The following CALN1 variants were observed in gnomAD, a reference collection of about 807,000 sequenced individuals.
CALN1 encodes the protein calcium-binding protein 8.
CALN1 carries 17 observed loss-of-function variants against 30.6 expected under a neutral mutation model. The ratio of observed to expected loss-of-function variants is 0.56; its 90% CI spans 0.38 to 0.83. The LOEUF is 0.83. Among genes scored for constraint, CALN1 ranks in the 40% least tolerant of loss-of-function variants. CALN1 has a pLI of 0.00. For missense variants in CALN1, 291 were observed against 354.9 expected, an observed-to-expected ratio of 0.82 and a Z score of 1.45; for synonymous variants, 156 against 131.4, an observed-to-expected ratio of 1.19 and a Z score of -1.28.
intron 5 of CALN1, among the ~76,000 whole-genome samples, chr7:71,837,510 T>G (rs1321102165): frequency 6.6e-6 from 1 of 152,168 alleles, no homozygotes; most frequent in Non-Finnish European, 1.5e-5. Context: ...CACTGAGTTT[T>G]TAGGGCAAAG....
At chr7:72,416,447 G>A (rs1344656964), upstream of CALN1, among the ~76,000 whole-genome samples, 1 of 152,118 alleles carries the variant, frequency 6.6e-6, no homozygotes, top group Admixed American at 6.5e-5. Flanking sequence ...GTGAAGCCGG[G>A]AACCCGGCTG....
intron 5 of CALN1, among the ~76,000 whole-genome samples, chr7:72,017,170 T>TAAAAAAAA: frequency 1.1e-5 from 1 of 88,116 alleles, no homozygotes; most frequent in Non-Finnish European, 2.6e-5. Context: ...TCTCAAAAAT[T>TAAAAAAAA]AAAAAAAAAA....
intron 3 of CALN1, among the ~76,000 whole-genome samples, chr7:72,206,518 T>A (rs1274798668): frequency 6.6e-6 from 1 of 152,234 alleles, no homozygotes; most frequent in Non-Finnish European, 1.5e-5. Context: ...TTAATTTTCA[T>A]CTTAGTCAGT....
intron 3 of CALN1, among the ~76,000 whole-genome samples, chr7:72,196,263 G>A (rs759163431): frequency 6.6e-6 from 1 of 152,112 alleles, no homozygotes; most frequent in East Asian, 1.9e-4. Context: ...GGCTACAGGC[G>A]CATACCGCCA....
At chr7:71,928,448 CAA>C (rs60088732) in intron 5 of CALN1, among the ~76,000 whole-genome samples, 52 of 99,806 alleles carry the variant, frequency 5.2e-4, no homozygotes, top group African/African-American at 7.3e-4. Flanking sequence ...CTTTTAATGG[CAA>C]AAAAAAAAAA....
chr7:72,270,617 T>A (rs1421510314), intron 3 of CALN1, among the ~76,000 whole-genome samples: 1 of 151,624 alleles, frequency 6.6e-6, no homozygotes, highest in African/African-American at 2.4e-5. Context: ...AAAAAAAATT[T>A]TTTTTTAATT....
intron 2 of CALN1, among the ~76,000 whole-genome samples, chr7:72,314,430 GA>G (rs1370495336): frequency 8.1e-6 from 1 of 122,976 alleles, no homozygotes; most frequent in Non-Finnish European, 1.6e-5. Context: ...CACATACATA[GA>G]TTTTTTTTTT....
At chr7:72,212,743 G>C (rs1792505125) in intron 3 of CALN1, among the ~76,000 whole-genome samples, 1 of 152,110 alleles carries the variant, frequency 6.6e-6, no homozygotes, top group South Asian at 2.1e-4. Flanking sequence ...GAACCCAAGA[G>C]TTGGAGGCCT....
At chr7:72,008,413 T>C (rs1799891091) in intron 5 of CALN1, among the ~76,000 whole-genome samples, 1 of 151,476 alleles carries the variant, frequency 6.6e-6, no homozygotes, top group Non-Finnish European at 1.5e-5. Flanking sequence ...TCTAAATTAT[T>C]TCATTAATAA....
intron 2 of CALN1, among the ~76,000 whole-genome samples, chr7:72,297,514 A>G (rs769301756): frequency 2.0e-5 from 3 of 152,230 alleles, no homozygotes; most frequent in Non-Finnish European, 1.5e-5. Context: ...GGTTAAATGA[A>G]TAACTTTGCA....
At chr7:72,281,554 C>G (rs1427946790) in intron 2 of CALN1, among the ~76,000 whole-genome samples, 1 of 152,138 alleles carries the variant, frequency 6.6e-6, no homozygotes, top group Non-Finnish European at 1.5e-5. Flanking sequence ...TTAGCTAAGC[C>G]TCACTAGATG....
chr7:71,996,391 G>A (rs1178943626), intron 5 of CALN1, among the ~76,000 whole-genome samples: 1 of 152,174 alleles, frequency 6.6e-6, no homozygotes, highest in East Asian at 1.9e-4. Context: ...GGATTTTAAA[G>A]AAACCATCAT....
intron 1 of CALN1, among the ~76,000 whole-genome samples, chr7:72,407,635 T>C (rs1416034780): frequency 2.6e-5 from 4 of 152,172 alleles, no homozygotes; most frequent in African/African-American, 4.8e-5. Context: ...GCTTCCTGTA[T>C]AGCCTGCAGA....
At chr7:72,247,501 C>T (rs1256856397) in intron 3 of CALN1, among the ~76,000 whole-genome samples, 3 of 151,762 alleles carry the variant, frequency 2.0e-5, no homozygotes, top group Admixed American at 6.6e-5. Context: ...GTGATCTGCC[C>T]GCCTCAGCCT....
intron 3 of CALN1, among the ~76,000 whole-genome samples, chr7:72,197,200 T>TTTTC (rs1562721672): frequency 7.1e-6 from 1 of 141,256 alleles, no homozygotes; most frequent in Non-Finnish European, 1.5e-5. Context: ...TTTTTTTTTT[T>TTTTC]TTGAGACAGA....
intron 3 of CALN1, among the ~76,000 whole-genome samples, chr7:72,198,426 C>T (rs547130261): frequency 6.6e-6 from 1 of 152,176 alleles, no homozygotes; most frequent in Admixed American, 6.5e-5. Context: ...TCACTGTTAT[C>T]AAGCCATACC....
chr7:71,837,214 A>T (rs1341261463), intron 5 of CALN1, among the ~76,000 whole-genome samples: 1 of 121,302 alleles, frequency 8.2e-6, no homozygotes, highest in Non-Finnish European at 1.6e-5. Flanking sequence ...CCCGGGTGAC[A>T]GGGCGAAACT....
chr7:71,821,912 T>C (rs1488914154), intron 5 of CALN1, among the ~76,000 whole-genome samples: 1 of 151,268 alleles, frequency 6.6e-6, no homozygotes, highest in Non-Finnish European at 1.5e-5. Context: ...CTCAGCCTCC[T>C]GAGTAGCTGG....
chr7:72,390,100 G>A (rs1439284805), intron 2 of CALN1, among the ~76,000 whole-genome samples: 1 of 151,972 alleles, frequency 6.6e-6, no homozygotes, highest in Non-Finnish European at 1.5e-5. Context: ...CTTTGCCCTG[G>A]GAAGACCTGA....
Sources: allele counts gnomAD v4.1 joint callset (sites outside exome capture counted in the v4.1 genomes callset), GRCh38; gene constraint gnomAD v4.1.1; transcripts MANE v1.5; gene names NCBI Gene and HGNC (gene_info 2026-07-23, HGNC 2026-07-21).